Variants in CNTN5 observed in about 807,000 individuals in gnomAD.
CNTN5 encodes the protein contactin 5.
Under a neutral mutation model 129.1 loss-of-function variants are expected in CNTN5, and 77 were observed. The ratio of observed to expected loss-of-function variants is 0.60; its 90% CI spans 0.50 to 0.72. CNTN5 has a LOEUF of 0.72. Ranked by LOEUF, CNTN5 falls within the 30% of genes least tolerant of loss-of-function variation. The probability of loss-of-function intolerance (pLI) is 0.00; values close to 1 mark genes in which losing one functional copy is unlikely to be tolerated. For missense variants in CNTN5, 1,478 were observed against 1,328.8 expected, an observed-to-expected ratio of 1.11 and a Z score of -1.75; for synonymous variants, 509 against 465.6, an observed-to-expected ratio of 1.09 and a Z score of -1.20.
intron 8 of CNTN5, among the ~76,000 whole-genome samples, chr11:99,991,406 G>T (rs371972598): frequency 1.3e-5 from 2 of 152,166 alleles, no homozygotes; most frequent in African/African-American, 4.8e-5. Flanking sequence ...GGCAGAGCTT[G>T]CAGTGAGCCG....
chr11:99,985,759 A>G (rs1050557906), intron 8 of CNTN5, among the ~76,000 whole-genome samples: 7 of 152,274 alleles, frequency 4.6e-5, no homozygotes, highest in Admixed American at 4.6e-4. Flanking sequence ...CATTGTAATC[A>G]TCCGTCTTTT....
At chr11:99,115,990 G>T (rs948980005) in intron 1 of CNTN5, among the ~76,000 whole-genome samples, 3 of 152,118 alleles carry the variant, frequency 2.0e-5, no homozygotes, top group Non-Finnish European at 2.9e-5. Context: ...TTCTGAAAAT[G>T]ATCTATTTTG....
chr11:100,077,538 C>A (rs917043436), intron 13 of CNTN5, among the ~76,000 whole-genome samples: 2 of 151,928 alleles, frequency 1.3e-5, no homozygotes, highest in African/African-American at 4.8e-5. Flanking sequence ...AAGAGACATT[C>A]AGGCCAGGTA....
chr11:99,945,489 CGTGTGTGTGT>C (rs3990615), intron 7 of CNTN5, among the ~76,000 whole-genome samples: 15 of 148,884 alleles, frequency 1.0e-4, no homozygotes, highest in African/African-American at 3.2e-4. Context: ...AACCTCTGTG[CGTGTGTGTGT>C]GTGTGTGTGT....
intron 1 of CNTN5, among the ~76,000 whole-genome samples, chr11:99,187,409 T>C (rs965149895): frequency 7.2e-5 from 9 of 124,932 alleles, no homozygotes; most frequent in Non-Finnish European, 1.1e-4. Flanking sequence ...ATTTACAAAT[T>C]AATACAAATT....
chr11:100,043,493 C>A (rs1189507499), intron 9 of CNTN5, among the ~76,000 whole-genome samples: 1 of 152,156 alleles, frequency 6.6e-6, no homozygotes, highest in Non-Finnish European at 1.5e-5. Flanking sequence ...ATTAAACTTT[C>A]ATAATTTGAA....
At chr11:99,225,266 A>G (rs1400177317) in intron 1 of CNTN5, among the ~76,000 whole-genome samples, 1 of 152,092 alleles carries the variant, frequency 6.6e-6, no homozygotes, top group Non-Finnish European at 1.5e-5. Context: ...CCGTGTGACA[A>G]TGTGAAGCCT....
chr11:100,029,010 G>A lies in CNTN5; in HGVS notation c.980+26874G>A, dbSNP rs184753411. On this transcript the variant is annotated intron_variant, in intron 9 of 24. Transcript: ENST00000524871. Reference sequence around the variant, plus strand: ...GGCATTCCTAACTAAGAAAATGCCCGGAGGCCACAAAATTTAAAAACTTAA... The same window carrying A: ...GGCATTCCTAACTAAGAAAATGCCCAGAGGCCACAAAATTTAAAAACTTAA... Among the ~76,000 whole-genome samples, 364 of 152,022 alleles carry A rather than the reference G, an allele frequency of 2.4e-3. 2 individuals carry two copies. The highest frequency in any genetic ancestry group is 3.7e-3 in the Non-Finnish European group (249 of 67,980).
chr11:99,390,302 T>G (rs1265994308), intron 2 of CNTN5, among the ~76,000 whole-genome samples: 1 of 152,066 alleles, frequency 6.6e-6, no homozygotes, highest in Non-Finnish European at 1.5e-5. Context: ...TTATTTTTCA[T>G]AGAGATGGGG....
chr11:99,453,624 A>C (rs1020431708), intron 2 of CNTN5, among the ~76,000 whole-genome samples: 3 of 152,262 alleles, frequency 2.0e-5, no homozygotes, highest in Non-Finnish European at 4.4e-5. Flanking sequence ...GAAAAAACTA[A>C]AGATCTTCAA....
chr11:100,214,581 T>C (rs1026888215), intron 15 of CNTN5, among the ~76,000 whole-genome samples: 1 of 152,202 alleles, frequency 6.6e-6, no homozygotes, highest in Non-Finnish European at 1.5e-5. Flanking sequence ...GAAGGTCACC[T>C]TTTCTTCAAC....
chr11:99,373,418 A>G (rs1214026840), intron 2 of CNTN5, among the ~76,000 whole-genome samples: 2 of 151,944 alleles, frequency 1.3e-5, no homozygotes, highest in African/African-American at 4.8e-5. Context: ...ATTTTTATTC[A>G]TTTGAAATTA....
At chr11:100,184,305 G>A (rs1457545006) in intron 13 of CNTN5, among the ~76,000 whole-genome samples, 28 of 152,116 alleles carry the variant, frequency 1.8e-4, no homozygotes, top group Admixed American at 1.8e-3. Flanking sequence ...AAGAAACTTT[G>A]CTTAAGATCA....
At chr11:99,697,564 C>T (rs1395320190) in intron 3 of CNTN5, among the ~76,000 whole-genome samples, 1 of 151,314 alleles carries the variant, frequency 6.6e-6, no homozygotes, top group Non-Finnish European at 1.5e-5. Flanking sequence ...GGCTGAGAAA[C>T]TGTCACAGAC....
intron 9 of CNTN5, among the ~76,000 whole-genome samples, chr11:100,046,928 C>T (rs1312364997): frequency 6.6e-6 from 1 of 151,828 alleles, no homozygotes; most frequent in Non-Finnish European, 1.5e-5. Context: ...CAGAAACTGA[C>T]CCAGATAGGA....
chr11:100,343,770 C>CA, intron 23 of CNTN5, among the ~76,000 whole-genome samples: 1 of 152,162 alleles, frequency 6.6e-6, no homozygotes, highest in African/African-American at 2.4e-5. Flanking sequence ...ATGACCAGGG[C>CA]TGGGCATGAT....
At chr11:99,666,248 A>G (rs1257704999) in intron 3 of CNTN5, among the ~76,000 whole-genome samples, 1 of 152,192 alleles carries the variant, frequency 6.6e-6, no homozygotes, top group Non-Finnish European at 1.5e-5. Flanking sequence ...GATTATAGGC[A>G]TGAGCCACTG....
chr11:99,753,725 A>G (rs1944316005), intron 3 of CNTN5, among the ~76,000 whole-genome samples: 1 of 135,616 alleles, frequency 7.4e-6, no homozygotes, highest in South Asian at 2.3e-4. Flanking sequence ...GTCTCAGTCC[A>G]TCACCCAGGC....
intron 1 of CNTN5, among the ~76,000 whole-genome samples, chr11:99,068,704 A>AG (rs200175826): frequency 0.011 from 1,619 of 152,306 alleles, 26 homozygotes; most frequent in South Asian, 0.072. Context: ...CTCACTTTGA[A>AG]TGTAGTAAAT....
Sources: gnomAD v4.1 joint callset for allele counts (sites outside exome capture counted in the v4.1 genomes callset) on GRCh38, gnomAD v4.1.1 for gene constraint, MANE v1.5 for transcripts, NCBI Gene and HGNC (gene_info 2026-07-23, HGNC 2026-07-21) for gene names.